SYT6: variants seen among roughly 807,000 people sequenced by gnomAD.
SYT6 encodes the protein synaptotagmin 6, also known as synaptotagmin-6.
In SYT6, 24 loss-of-function variants were observed where a neutral mutation model predicts 38.4. The ratio of observed to expected loss-of-function variants is 0.62; its 90% CI spans 0.45 to 0.88. SYT6 has a LOEUF of 0.88. SYT6 is among the 40% of genes least tolerant of loss of function. The probability of loss-of-function intolerance (pLI) is 0.00; values close to 1 mark genes in which losing one functional copy is unlikely to be tolerated. For missense variants in SYT6, 611 were observed against 621.0 expected (o/e 0.98, Z 0.17); for synonymous variants, 265 against 241.9 (o/e 1.10, Z -0.89).
chr1:114,120,878 C>T (rs563546448), intron 3 of SYT6, among the ~76,000 whole-genome samples: 46 of 152,316 alleles, frequency 3.0e-4, no homozygotes, highest in African/African-American at 1.1e-3. Context: ...TCCTACGTCA[C>T]TGGAAAGACA....
chr1:114,098,292 C>T (rs1420879476), intron 5 of SYT6, among the ~76,000 whole-genome samples: 1 of 152,298 alleles, frequency 6.6e-6, no homozygotes, highest in South Asian at 2.1e-4. Flanking sequence ...TTTATTCACT[C>T]GGTAAGAACA....
At chr1:114,116,341 GC>G in intron 3 of SYT6, among the ~76,000 whole-genome samples, 1 of 152,192 alleles carries the variant, frequency 6.6e-6, no homozygotes, top group East Asian at 1.9e-4. Flanking sequence ...TGTCCCCAAC[GC>G]GGCAGTTCAG....
At chr1:114,135,720 C>T (rs1678437003) in intron 3 of SYT6, among the ~76,000 whole-genome samples, 1 of 152,212 alleles carries the variant, frequency 6.6e-6, no homozygotes, top group African/African-American at 2.4e-5. Context: ...GAGCCAAAGA[C>T]ACCAGATGGT....
intron 7 of SYT6, among the ~76,000 whole-genome samples, chr1:114,093,372 G>A (rs946618041): frequency 6.6e-6 from 1 of 152,130 alleles, no homozygotes; most frequent in Non-Finnish European, 1.5e-5. Context: ...GGCTTCTTAG[G>A]ACTCCCTGTT....
intron 4 of SYT6, among the ~76,000 whole-genome samples, chr1:114,103,205 G>A (rs1346618206): frequency 6.6e-6 from 1 of 152,094 alleles, no homozygotes; most frequent in African/African-American, 2.4e-5. Flanking sequence ...TAACCCTGGG[G>A]CCTCACATAA....
rs1366606056 is a variant in SYT6, at chr1:114,091,483, C to T, written c.*651G>A. On this transcript the variant is annotated 3_prime_UTR_variant, in exon 8 of 8. Transcript: ENST00000610222. The stretch of plus-strand genomic sequence containing the variant: ...GTGATTTCAACACGGGACTGAGGGT[C>T]CCAGCGTGGTTTATGTCCTGCCAGC... 1 of 152,410 alleles carries T rather than the reference C, an allele frequency of 6.6e-6. No individual in the cohort carries two copies. Among genetic ancestry groups the T allele is most frequent in the African/African-American group, 2.4e-5 (1 of 41,442 alleles). 9.4% of individuals were successfully genotyped at this position (152,410 alleles called of 1,614,324 possible). A position where few individuals can be genotyped will look rare whatever the true frequency, so the allele number is the denominator to read the frequency against.
chr1:114,116,729 C>T (rs951294199), intron 3 of SYT6, among the ~76,000 whole-genome samples: 2 of 152,244 alleles, frequency 1.3e-5, no homozygotes, highest in East Asian at 1.9e-4. Flanking sequence ...CCCAGCAAGA[C>T]CACATTCAGC....
At chr1:114,122,516 T>G (rs1182736533) in intron 3 of SYT6, among the ~76,000 whole-genome samples, 3 of 142,460 alleles carry the variant, frequency 2.1e-5, no homozygotes, top group Admixed American at 6.9e-5. Flanking sequence ...TGCGCGCACA[T>G]GAGCATATGC....
chr1:114,139,581 T>TGG (rs1678726431), intron 2 of SYT6, 34 bp downstream of exon 2: 1 of 1,612,314 alleles, frequency 6.2e-7, no homozygotes, highest in South Asian at 1.1e-5. Flanking sequence ...TGTGGAGGTG[T>TGG]GGGGGTCAGG....
chr1:114,147,578 C>A lies in SYT6; in HGVS notation c.163+6032G>T, dbSNP rs891368092. Among the ~76,000 whole-genome samples, 4 of 152,336 alleles carry A rather than the reference C, an allele frequency of 2.6e-5. No homozygotes were observed. In the South Asian group the frequency reaches 8.3e-4, roughly 32 times the overall value. On this transcript the variant is annotated intron_variant, in intron 1 of 7. Coordinates refer to ENST00000610222, the MANE Select transcript of SYT6 (RefSeq NM_001253772.2). Reference sequence around the variant, plus strand: ...CATAGCCTTGTACAGGGGCACATGGCTTCTAGCCCTGGCTGTGAAACTGAA... The same window carrying A: ...CATAGCCTTGTACAGGGGCACATGGATTCTAGCCCTGGCTGTGAAACTGAA...
At chr1:114,147,537 G>T (rs1679217407) in intron 1 of SYT6, among the ~76,000 whole-genome samples, 1 of 152,206 alleles carries the variant, frequency 6.6e-6, no homozygotes, top group African/African-American at 2.4e-5. Context: ...TAGGCTTTGG[G>T]ATCACACCCC....
chr1:114,120,056 G>A (rs1368574491), intron 3 of SYT6, among the ~76,000 whole-genome samples: 1 of 139,844 alleles, frequency 7.2e-6, no homozygotes, highest in African/African-American at 2.8e-5. Flanking sequence ...GGGCGACAGA[G>A]AGAGACTCTG....
chr1:114,123,636 C>G (rs1345344945), intron 3 of SYT6, among the ~76,000 whole-genome samples: 4 of 152,198 alleles, frequency 2.6e-5, no homozygotes, highest in African/African-American at 9.7e-5. Flanking sequence ...CTTTCTGGTT[C>G]TAGGTGCTCC....
chr1:114,127,373 T>C (rs1677808833), intron 3 of SYT6, among the ~76,000 whole-genome samples: 1 of 152,124 alleles, frequency 6.6e-6, no homozygotes, highest in African/African-American at 2.4e-5. Context: ...CCCACACCTC[T>C]CCTCTTTCCT....
At chr1:114,111,768 G>C (rs567802029) in intron 3 of SYT6, among the ~76,000 whole-genome samples, 2 of 59,046 alleles carry the variant, frequency 3.4e-5, no homozygotes, top group South Asian at 8.7e-4. Context: ...CGGGTGAGGG[G>C]CTGCAGGAGG....
intron 6 of SYT6, among the ~76,000 whole-genome samples, chr1:114,096,286 C>A (rs1319688980): frequency 2.0e-5 from 3 of 152,052 alleles, no homozygotes; most frequent in African/African-American, 7.2e-5. Context: ...CAGGGGCTCC[C>A]CTGGGGGAGC....
intron 3 of SYT6, among the ~76,000 whole-genome samples, chr1:114,117,864 C>T (rs1014626950): frequency 2.6e-5 from 4 of 152,222 alleles, no homozygotes; most frequent in Non-Finnish European, 5.9e-5. Context: ...ACCAGATGAC[C>T]TCACCTCCTC....
chr1:114,137,730 C>T lies in SYT6; in HGVS notation c.836G>A (p.Cys279Tyr). The T allele has an allele frequency of 6.2e-7, 1 of 1,614,168 alleles. No individual in the cohort carries two copies. The highest frequency in any genetic ancestry group is 8.5e-7 in the Non-Finnish European group (1 of 1,180,034). ...GCGGTGCACCCGGGTCTGCAGCTTGCATTTGCGGTCAGGCAGGAGGTAGAT... is the reference window on the plus strand; with the variant it reads ...GCGGTGCACCCGGGTCTGCAGCTTGTATTTGCGGTCAGGCAGGAGGTAGAT... The part of the protein sequence containing the change: ...VKIYLLPDRK[C>Y]KLQTRVHRKT... The change falls in exon 3 of 8, where the codon TGC becomes TAC. Residue 279 changes from cysteine (C) to tyrosine (Y), a missense_variant. Cys to Tyr is a radical substitution (Grantham distance 194). Transcript: ENST00000610222.
In SYT6 at chr1:114,137,497, T is replaced by C. The variant is rs145039274; in HGVS notation, c.1069A>G (p.Ser357Gly). ...CCAAGGAACAGGGCTGTACTTACAC[T>C]TGTGGCATATTGGATATCCTTCCAG... ...SIWKDIQYAT[S>G]ESVDLGEIMF... is the part of the protein sequence containing the mutation. The change falls in exon 3 of 8, where the codon AGT becomes GGT. Residue 357 changes from serine (S) to glycine (G), a missense_variant and splice_region_variant. Coordinates refer to ENST00000610222, the MANE Select transcript of SYT6 (RefSeq NM_001253772.2). 219 of 1,612,418 alleles carry C rather than the reference T, an allele frequency of 1.4e-4. No individual in the cohort carries two copies. The highest frequency in any genetic ancestry group is 2.7e-4 in the East Asian group (12 of 44,842).
Sources: allele counts gnomAD v4.1 joint callset (sites outside exome capture counted in the v4.1 genomes callset), GRCh38; gene constraint gnomAD v4.1.1; transcripts MANE v1.5; gene names NCBI Gene and HGNC (gene_info 2026-07-23, HGNC 2026-07-21).